Variants in WDR35 observed in about 807,000 individuals in gnomAD.
The protein encoded by WDR35 is WD repeat-containing protein 35.
In WDR35, 118 loss-of-function variants were observed where a neutral mutation model predicts 158.3. That is an observed-to-expected ratio of 0.75 (90% CI 0.64 to 0.87). The LOEUF (loss-of-function observed/expected upper bound fraction) is 0.87, where lower values mean the gene tolerates loss of function less well. Ranked by LOEUF, WDR35 falls within the 40% of genes least tolerant of loss-of-function variation. The probability of loss-of-function intolerance (pLI) is 0.00; values close to 1 mark genes in which losing one functional copy is unlikely to be tolerated. For missense variants in WDR35, 1,263 were observed against 1,405.8 expected, an observed-to-expected ratio of 0.90 and a Z score of 1.62; for synonymous variants, 448 against 476.1, an observed-to-expected ratio of 0.94 and a Z score of 0.77.
At chr2:19,936,137 C>T (rs1204280960) in intron 20 of WDR35, 82 bp downstream of exon 20, 2 of 1,588,078 alleles carry the variant, frequency 1.3e-6, no homozygotes, top group Non-Finnish European at 1.7e-6. Flanking sequence ...CTTCATTTCC[C>T]CAGGATTACT....
chr2:19,925,659 A>G (rs942282429), intron 25 of WDR35, among the ~76,000 whole-genome samples: 1 of 152,216 alleles, frequency 6.6e-6, no homozygotes, highest in African/African-American at 2.4e-5. Context: ...ACAACCTGGG[A>G]CTATTCAACC....
At chr2:19,930,848 T>C (rs1409914259) in intron 24 of WDR35, among the ~76,000 whole-genome samples, 1 of 152,188 alleles carries the variant, frequency 6.6e-6, no homozygotes, top group Non-Finnish European at 1.5e-5. Context: ...ACAGATTTAA[T>C]TTTTTATTAT....
chr2:19,946,654 T>C (rs1671066233), intron 14 of WDR35, 84 bp from the exon 15 acceptor site: 2 of 1,341,574 alleles, frequency 1.5e-6, no homozygotes, highest in African/African-American at 1.5e-5. Context: ...TGTCTATACA[T>C]TTGTCTTAAA....
chr2:19,924,760 AG>A (rs1670304679), intron 25 of WDR35, among the ~76,000 whole-genome samples: 1 of 152,338 alleles, frequency 6.6e-6, no homozygotes, highest in Admixed American at 6.5e-5. Context: ...GAGCAATGGC[AG>A]GACTAAGAGT....
Position 19,978,831 on chromosome 2 carries a change from C to G in WDR35, c.356G>C (p.Arg119Pro). 6.2e-7 allele frequency: 1 copy of G among 1,613,762 alleles called. No homozygotes were observed. Among genetic ancestry groups the G allele is most frequent in the Non-Finnish European group, 8.5e-7 (1 of 1,179,836 alleles). Residue 119 changes from arginine to proline, a missense_variant, in exon 5 of 27, where the codon CGC (arginine) becomes CCC (proline). Arg to Pro is a moderately radical substitution (Grantham distance 103). Transcript: ENST00000281405. The stretch of plus-strand genomic sequence containing the variant: ...TCCGTCAGCATTCCAGCTCATACTG[C>G]GAACAACTGATTTATTTCGATTGTT... ...MINNRNKSVV[R>P]SMSWNADGQK...
At chr2:19,959,581 T>C (rs910887497) in intron 11 of WDR35, among the ~76,000 whole-genome samples, 2 of 152,056 alleles carry the variant, frequency 1.3e-5, no homozygotes, top group African/African-American at 4.8e-5. Flanking sequence ...GTGAGTAGGT[T>C]ATCAAGACCC....
chr2:19,961,823 C>T (rs1671671469), intron 10 of WDR35, among the ~76,000 whole-genome samples: 1 of 152,200 alleles, frequency 6.6e-6, no homozygotes, highest in South Asian at 2.1e-4. Context: ...CCTGGGAAAA[C>T]TTCACCAGAG....
At chr2:19,941,892 T>C in intron 16 of WDR35, 53 bp from the exon 17 acceptor site, 1 of 1,275,668 alleles carries the variant, frequency 7.8e-7, no homozygotes, top group Non-Finnish European at 1.1e-6. Flanking sequence ...TCCTCTCTTT[T>C]AACAAATCAT....
chr2:19,921,564 T>C (rs575778239), intron 25 of WDR35, among the ~76,000 whole-genome samples: 3 of 152,256 alleles, frequency 2.0e-5, no homozygotes, highest in South Asian at 4.1e-4. Flanking sequence ...TTACACCTTA[T>C]ACAAAAATTA....
intron 3 of WDR35, 67 bp from the exon 4 acceptor site, chr2:19,980,850 T>C: frequency 7.3e-7 from 1 of 1,367,960 alleles, no homozygotes; most frequent in Non-Finnish European, 1.0e-6. Context: ...CATTTTTATA[T>C]AAACACCAAG....
At position 19,928,947 on chromosome 2, in the gene WDR35, C is replaced by T. The variant is rs543030873; in HGVS notation, c.3121+1449G>A. On this transcript the variant is annotated intron_variant, in intron 25 of 26. Transcript: ENST00000281405. ...TCAGCCTCCCAAGTAGCTGGGACTA[C>T]AGGCACCTGCCACTACACCCAGCTG... Among the ~76,000 whole-genome samples the T allele has an allele frequency of 8.9e-4, 135 of 152,214 alleles. 2 individuals are homozygous for T. Among genetic ancestry groups the T allele is most frequent in the Admixed American group, 3.4e-3 (52 of 15,296 alleles).
Position 19,932,609 on chromosome 2 carries a change from T to C in WDR35, c.2659-162A>G, listed in dbSNP as rs932704797. ...TTTAAAATCACAGCAACATAAGTCC[T>C]ATAAGCATAAGTCAAAATGATTAAA... is the stretch of plus-strand genomic sequence containing the variant. On this transcript the variant is annotated intron_variant, in intron 22 of 26. Transcript: ENST00000281405. Among the ~76,000 whole-genome samples the C allele has an allele frequency of 1.3e-3, 191 of 152,188 alleles. 6 individuals are homozygous for C. The highest frequency in any genetic ancestry group is 3.1e-4 in the Non-Finnish European group (21 of 68,018).
At chr2:19,926,962 G>A (rs6736663) in intron 25 of WDR35, among the ~76,000 whole-genome samples, 69,212 of 151,864 alleles carry the variant, frequency 0.46, 16,008 homozygotes, top group East Asian at 0.64. Context: ...CCCAGCTGTC[G>A]CAAGCAACAC....
intron 25 of WDR35, among the ~76,000 whole-genome samples, chr2:19,929,726 G>A (rs1175774067): frequency 6.6e-6 from 1 of 151,952 alleles, no homozygotes. Flanking sequence ...TACTGCTGAG[G>A]GAAAAAACCA....
intron 12 of WDR35, chr2:19,951,718 T>A: frequency 2.6e-6 from 1 of 388,132 alleles, no homozygotes. Flanking sequence ...AAAACATATC[T>A]GAACATTTCA....
At chr2:19,941,956 T>A in intron 16 of WDR35, 117 bp from the exon 17 acceptor site, 1 of 716,430 alleles carries the variant, frequency 1.4e-6, no homozygotes, top group Non-Finnish European at 2.4e-6. Flanking sequence ...AGAATGTCAT[T>A]AACACCCATA....
At chr2:19,974,678 A>G (rs1371987374) in intron 6 of WDR35, 45 bp from the exon 7 acceptor site, 3 of 1,548,736 alleles carry the variant, frequency 1.9e-6, no homozygotes, top group Middle Eastern at 1.7e-4. Flanking sequence ...TTTAAAACAC[A>G]GCAGTATAGA....
At chr2:19,962,447 G>C (rs1441960604) in intron 10 of WDR35, 6 of 941,452 alleles carry the variant, frequency 6.4e-6, no homozygotes, top group East Asian at 2.5e-5. Context: ...ACCAATATTA[G>C]GAAAATAATC....
intron 9 of WDR35, among the ~76,000 whole-genome samples, chr2:19,968,889 C>T (rs190191335): frequency 6.6e-6 from 1 of 152,354 alleles, no homozygotes; most frequent in Admixed American, 6.5e-5. Flanking sequence ...TCTACCCTGC[C>T]GTGAGCCTTG....
Sources: gnomAD v4.1 joint callset for allele counts (sites outside exome capture counted in the v4.1 genomes callset) on GRCh38, gnomAD v4.1.1 for gene constraint, MANE v1.5 for transcripts, NCBI Gene and HGNC (gene_info 2026-07-23, HGNC 2026-07-21) for gene names.